Variants in DLGAP2 observed in about 807,000 individuals in gnomAD.
DLGAP2 encodes DLG associated protein 2, also known as disks large-associated protein 2.
DLGAP2 carries 26 observed loss-of-function variants against 100.3 expected under a neutral mutation model. The ratio of observed to expected loss-of-function variants is 0.26; its 90% confidence interval spans 0.19 to 0.36. DLGAP2 has a LOEUF of 0.36. Among genes scored for constraint, DLGAP2 ranks in the 10% least tolerant of loss-of-function variants. The pLI is 1.00. For synonymous variants in DLGAP2, 886 were observed against 630.1 expected (o/e 1.41, Z -6.08); for missense variants, 1,858 against 1,453.2 (o/e 1.28, Z -4.53).
rs751468168 is a variant in DLGAP2, at chr8:951,377, C to T, written c.73+43411C>T. On this transcript the variant is annotated intron_variant, in intron 2 of 14. Transcript: ENST00000637795. Reference sequence around the variant, plus strand: ...CTCCTGCCTCAGCCTCCCAAGTAGCCAGGATTACAGGCACCTGCCACCACA... The same window carrying T: ...CTCCTGCCTCAGCCTCCCAAGTAGCTAGGATTACAGGCACCTGCCACCACA... Among the ~76,000 whole-genome samples, 72 of 151,874 alleles carry T rather than the reference C, an allele frequency of 4.7e-4. 1 individual carries two copies. Among genetic ancestry groups the T allele is most frequent in the Admixed American group, 2.6e-4 (4 of 15,234 alleles).
At chr8:1,526,139 T>C (rs911856134) in intron 4 of DLGAP2, among the ~76,000 whole-genome samples, 1 of 151,174 alleles carries the variant, frequency 6.6e-6, no homozygotes, top group African/African-American at 2.4e-5. Flanking sequence ...TGAGCGCTTC[T>C]CAGTTCCCAT....
chr8:1,299,193 G>T (rs1298013723), intron 3 of DLGAP2, among the ~76,000 whole-genome samples: 1 of 152,220 alleles, frequency 6.6e-6, no homozygotes, highest in Non-Finnish European at 1.5e-5. Context: ...CAGAGTGGTG[G>T]TGGGTACTGT....
chr8:1,368,842 A>C (rs1181622861), intron 3 of DLGAP2: 3 of 152,208 alleles, frequency 2.0e-5, no homozygotes, highest in African/African-American at 7.2e-5. Flanking sequence ...GCCTGGAACC[A>C]TCTATTCCTG....
chr8:1,683,995 T>TATATATATAC lies in DLGAP2; in HGVS notation c.2704+5366_2704+5367insATATATATAC, dbSNP rs1563061391. On this transcript the variant is annotated intron_variant, in intron 12 of 14. Coordinates refer to ENST00000637795, the MANE Select transcript of DLGAP2 (RefSeq NM_001346810.2). ...ATATATATATATATATATACTTTTT[T>TATATATATAC]TTTTAAGACGAAGTCTCACTCTGAC... Among the ~76,000 whole-genome samples the TATATATATAC allele has an allele frequency of 4.6e-5, 6 of 130,272 alleles. No homozygotes were observed. In the South Asian group the frequency reaches 8.3e-4, roughly 18 times the overall value. The allele number at this position is 130,272 out of a possible 152,430, so 85.5% of individuals were successfully genotyped here. A position where few individuals can be genotyped will look rare whatever the true frequency, so the allele number is the denominator to read the frequency against.
intron 2 of DLGAP2, among the ~76,000 whole-genome samples, chr8:1,212,568 G>A (rs553687877): frequency 9.9e-5 from 15 of 152,226 alleles, no homozygotes; most frequent in African/African-American, 2.9e-4. Context: ...AGAGAGAGAC[G>A]TATTAACAAA....
At chr8:931,120 G>A in intron 2 of DLGAP2, among the ~76,000 whole-genome samples, 1 of 152,300 alleles carries the variant, frequency 6.6e-6, no homozygotes, top group Admixed American at 6.5e-5. Flanking sequence ...TAGGTAGGAG[G>A]TATGTGTGAG....
intron 1 of DLGAP2, among the ~76,000 whole-genome samples, chr8:759,423 G>C (rs1821020343): frequency 6.6e-6 from 1 of 152,092 alleles, no homozygotes; most frequent in Non-Finnish European, 1.5e-5. Context: ...ACGTTTCCAG[G>C]GTTGGGACAC....
intron 2 of DLGAP2, among the ~76,000 whole-genome samples, chr8:1,141,668 G>C (rs1193749413): frequency 4.6e-5 from 7 of 151,946 alleles, no homozygotes; most frequent in Non-Finnish European, 1.0e-4. Flanking sequence ...CAACCTTCAG[G>C]TTCTAACATA....
At chr8:1,186,333 C>T (rs1350364004) in intron 2 of DLGAP2, among the ~76,000 whole-genome samples, 5 of 152,230 alleles carry the variant, frequency 3.3e-5, no homozygotes, top group Non-Finnish European at 2.9e-5. Flanking sequence ...AAATTATTTC[C>T]TCCTTATTCT....
intron 2 of DLGAP2, among the ~76,000 whole-genome samples, chr8:1,140,841 C>T (rs1044041298): frequency 2.4e-4 from 37 of 152,282 alleles, no homozygotes; most frequent in African/African-American, 8.9e-4. Flanking sequence ...GGCGTGGTGG[C>T]ATATGCCTGT....
chr8:1,521,460 A>G (rs62487189), intron 4 of DLGAP2, among the ~76,000 whole-genome samples: 559 of 16,838 alleles, frequency 0.033, 9 homozygotes, highest in African/African-American at 0.14. Flanking sequence ...GATATGGGGC[A>G]TCTCTGGTTT....
intron 2 of DLGAP2, among the ~76,000 whole-genome samples, chr8:947,598 G>C (rs138172220): frequency 6.6e-6 from 1 of 152,030 alleles, no homozygotes; most frequent in Non-Finnish European, 1.5e-5. Context: ...CACACCAACC[G>C]GCCCAGGCCC....
At chr8:1,045,072 C>T (rs1464100302) in intron 2 of DLGAP2, among the ~76,000 whole-genome samples, 5 of 152,166 alleles carry the variant, frequency 3.3e-5, no homozygotes, top group East Asian at 3.9e-4. Flanking sequence ...TTCTTCTTTC[C>T]GGAGACAGCT....
intron 3 of DLGAP2, among the ~76,000 whole-genome samples, chr8:1,316,010 C>G (rs1800734007): frequency 7.2e-6 from 1 of 138,252 alleles, no homozygotes; most frequent in Non-Finnish European, 1.6e-5. Flanking sequence ...CAGCGTCTCT[C>G]CAACAGTGGT....
At chr8:1,639,569 A>C (rs1372499669) in intron 8 of DLGAP2, among the ~76,000 whole-genome samples, 1 of 152,226 alleles carries the variant, frequency 6.6e-6, no homozygotes, top group Non-Finnish European at 1.5e-5. Flanking sequence ...GCCTGGACTG[A>C]GGAACCCCTA....
intron 2 of DLGAP2, among the ~76,000 whole-genome samples, chr8:1,050,613 C>G (rs1460845060): frequency 6.6e-6 from 1 of 152,196 alleles, no homozygotes; most frequent in Non-Finnish European, 1.5e-5. Flanking sequence ...TCTTAGACTA[C>G]AGGAATAGCT....
At chr8:912,057 C>T (rs1798495718) in intron 2 of DLGAP2, among the ~76,000 whole-genome samples, 1 of 152,190 alleles carries the variant, frequency 6.6e-6, no homozygotes, top group African/African-American at 2.4e-5. Context: ...GGCTTAGCTG[C>T]CTCACACAGC....
rs770291812 is a variant in DLGAP2, at chr8:872,328, C to CTTTTTT, written c.19-35580_19-35579insTTTTTT. Among the ~76,000 whole-genome samples the CTTTTTT allele has an allele frequency of 7.7e-5, 10 of 129,510 alleles. 1 individual carries two copies. The highest frequency in any genetic ancestry group is 1.7e-4 in the Admixed American group (2 of 11,904). 85.0% of individuals were successfully genotyped at this position (129,510 alleles called of 152,430 possible). A position where few individuals can be genotyped will look rare whatever the true frequency, so the allele number is the denominator to read the frequency against. ...AACAGAGGAAAGTTTTCTCTCACTT[C>CTTTTTT]TTTTCTTTTTTTTTTTTTTTTTGAG... On this transcript the variant is annotated intron_variant, in intron 1 of 14. Coordinates refer to ENST00000637795, the MANE Select transcript of DLGAP2 (RefSeq NM_001346810.2).
chr8:1,292,189 C>T (rs1391658457), intron 3 of DLGAP2, among the ~76,000 whole-genome samples: 2 of 152,196 alleles, frequency 1.3e-5, no homozygotes, highest in Non-Finnish European at 2.9e-5. Context: ...TGCTCATGCA[C>T]CCCCTCCTCT....
Sources: allele counts gnomAD v4.1 joint callset (sites outside exome capture counted in the v4.1 genomes callset), GRCh38; gene constraint gnomAD v4.1.1; transcripts MANE v1.5; gene names NCBI Gene and HGNC (gene_info 2026-07-23, HGNC 2026-07-21).